SAMD12: variants seen among roughly 807,000 people sequenced by gnomAD.
The protein encoded by SAMD12 is sterile alpha motif domain-containing protein 12.
Under a neutral mutation model 15.0 loss-of-function variants are expected in SAMD12, and 9 were observed. The ratio of observed to expected loss-of-function variants is 0.60; its 90% CI spans 0.36 to 1.05. The LOEUF is 1.05. Ranked by LOEUF, SAMD12 falls within the 50% of genes least tolerant of loss-of-function variation. SAMD12 has a pLI of 0.01. For synonymous variants in SAMD12, 86 were observed against 90.1 expected (o/e 0.96, Z 0.25); for missense variants, 230 against 234.2 (o/e 0.98, Z 0.12).
intron 4 of SAMD12, among the ~76,000 whole-genome samples, chr8:118,324,329 G>A (rs183119365): frequency 1.8e-4 from 28 of 152,246 alleles, no homozygotes; most frequent in African/African-American, 6.7e-4. Flanking sequence ...ACACGGAGTT[G>A]TTAATTCTGA....
At chr8:118,586,494 C>G (rs1321187627) in intron 1 of SAMD12, among the ~76,000 whole-genome samples, 1 of 151,938 alleles carries the variant, frequency 6.6e-6, no homozygotes, top group African/African-American at 2.4e-5. Flanking sequence ...AGGTGTGCAC[C>G]ACCACACCCA....
downstream of SAMD12, among the ~76,000 whole-genome samples, chr8:118,375,395 C>G (rs558118772): frequency 6.6e-6 from 1 of 152,232 alleles, no homozygotes; most frequent in South Asian, 2.1e-4. Flanking sequence ...TCTTTACACA[C>G]TAAACATCAC....
At chr8:118,415,761 G>A (rs1821656610) in intron 3 of SAMD12, among the ~76,000 whole-genome samples, 1 of 152,050 alleles carries the variant, frequency 6.6e-6, no homozygotes, top group South Asian at 2.1e-4. Flanking sequence ...TTTTAAGAGT[G>A]AGCTATCTAA....
chr8:118,162,090 G>A, the SAMD12 span, among the ~76,000 whole-genome samples: 1 of 150,954 alleles, frequency 6.6e-6, no homozygotes, highest in African/African-American at 2.4e-5. Flanking sequence ...TACCTGGAAG[G>A]CGGAGGTTTC....
intron 3 of SAMD12, among the ~76,000 whole-genome samples, chr8:118,389,087 C>T (rs764815091): frequency 3.3e-5 from 5 of 152,076 alleles, no homozygotes; most frequent in Non-Finnish European, 4.4e-5. Flanking sequence ...GAGGGATTCT[C>T]GGTTAAGTCA....
At chr8:118,549,183 C>G (rs1048115302) in intron 2 of SAMD12, among the ~76,000 whole-genome samples, 1 of 152,208 alleles carries the variant, frequency 6.6e-6, no homozygotes, top group Non-Finnish European at 1.5e-5. Flanking sequence ...CAGTGGTTCT[C>G]CCAGCACACA....
intron 2 of SAMD12, among the ~76,000 whole-genome samples, chr8:118,513,417 CT>C (rs1341154965): frequency 1.3e-5 from 2 of 152,176 alleles, no homozygotes; most frequent in African/African-American, 4.8e-5. Context: ...ACATCTTAAG[CT>C]GTAAACTTAT....
the SAMD12 span, among the ~76,000 whole-genome samples, chr8:118,156,680 T>C: frequency 6.6e-6 from 1 of 152,164 alleles, no homozygotes; most frequent in Non-Finnish European, 1.5e-5. Flanking sequence ...TAGACATTCA[T>C]GATAATACAA....
intron 2 of SAMD12, among the ~76,000 whole-genome samples, chr8:118,480,103 C>T (rs912807119): frequency 6.6e-6 from 1 of 152,116 alleles, no homozygotes; most frequent in African/African-American, 2.4e-5. Flanking sequence ...ATTTTCTGGG[C>T]AAGGAGAAGC....
chr8:118,444,207 A>G (rs1822837491), intron 2 of SAMD12, among the ~76,000 whole-genome samples: 2 of 152,070 alleles, frequency 1.3e-5, no homozygotes, highest in Non-Finnish European at 1.5e-5. Flanking sequence ...ATCCTGCCCA[A>G]TGGCAAACAT....
chr8:118,432,882 A>G (rs961045255), intron 3 of SAMD12, among the ~76,000 whole-genome samples: 1 of 152,088 alleles, frequency 6.6e-6, no homozygotes, highest in Non-Finnish European at 1.5e-5. Context: ...AACAACCACC[A>G]TTACCACCAC....
the SAMD12 span, among the ~76,000 whole-genome samples, chr8:118,170,649 TCTTGG>T: frequency 6.6e-6 from 1 of 152,154 alleles, no homozygotes; most frequent in African/African-American, 2.4e-5. Flanking sequence ...AACATGGGAC[TCTTGG>T]CTTAAATCAT....
chr8:118,611,663 A>G (rs1828114797), intron 1 of SAMD12, among the ~76,000 whole-genome samples: 1 of 152,248 alleles, frequency 6.6e-6, no homozygotes, highest in Non-Finnish European at 1.5e-5. Context: ...CATATTCTCC[A>G]AACACAAAAA....
intron 1 of SAMD12, among the ~76,000 whole-genome samples, chr8:118,590,007 A>T (rs747762978): frequency 2.3e-4 from 35 of 152,164 alleles, no homozygotes; most frequent in Non-Finnish European, 4.1e-4. Context: ...CAATCTAAAG[A>T]CCTTGAAGGA....
chr8:118,374,214 T>A (rs1298832037), downstream of SAMD12, among the ~76,000 whole-genome samples: 1 of 152,166 alleles, frequency 6.6e-6, no homozygotes. Flanking sequence ...TTTTAGATAC[T>A]CCATATGAGT....
At chr8:118,316,710 T>A (rs1267394093) in intron 4 of SAMD12, among the ~76,000 whole-genome samples, 2 of 151,988 alleles carry the variant, frequency 1.3e-5, no homozygotes, top group East Asian at 3.9e-4. Context: ...GCTGAACATA[T>A]GTGTTATGGA....
intron 2 of SAMD12, among the ~76,000 whole-genome samples, chr8:118,580,023 TTC>T (rs1827247465): frequency 6.6e-6 from 1 of 152,176 alleles, no homozygotes; most frequent in South Asian, 2.1e-4. Context: ...ATTTTGTCAG[TTC>T]TCTGTTACCT....
chr8:118,400,762 T>C (rs1820829876), intron 3 of SAMD12, among the ~76,000 whole-genome samples: 1 of 152,180 alleles, frequency 6.6e-6, no homozygotes, highest in Non-Finnish European at 1.5e-5. Flanking sequence ...ATGTTGTGAC[T>C]GTGAGAACAC....
intron 4 of SAMD12, among the ~76,000 whole-genome samples, chr8:118,331,353 C>A (rs1051219537): frequency 1.3e-5 from 2 of 152,074 alleles, no homozygotes; most frequent in African/African-American, 4.8e-5. Context: ...AAAAATATCT[C>A]CAGTTTAAAA....
Sources: gnomAD v4.1 joint callset for allele counts (sites outside exome capture counted in the v4.1 genomes callset) on GRCh38, gnomAD v4.1.1 for gene constraint, MANE v1.5 for transcripts, NCBI Gene and HGNC (gene_info 2026-07-23, HGNC 2026-07-21) for gene names.